The following SLC38A10 variants were observed in gnomAD, a reference collection of about 807,000 sequenced individuals.
SLC38A10 encodes the protein solute carrier family 38 member 10.
SLC38A10 carries 53 observed loss-of-function variants against 81.0 expected under a neutral mutation model. The observed-to-expected ratio is 0.65, with a 90% CI of 0.53 to 0.82. The LOEUF (loss-of-function observed/expected upper bound fraction) is 0.82, where lower values mean the gene tolerates loss of function less well. Ranked by LOEUF, SLC38A10 falls within the 40% of genes least tolerant of loss-of-function variation. The pLI, the probability that SLC38A10 is intolerant of heterozygous loss-of-function variation, is 0.00. For missense variants in SLC38A10, 1,471 were observed against 1,545.0 expected, an observed-to-expected ratio of 0.95 and a Z score of 0.80; for synonymous variants, 665 against 655.3, an observed-to-expected ratio of 1.01 and a Z score of -0.23.
rs1198465315 is a variant in SLC38A10 at position 81,270,095 on chromosome 17, T to G, written c.1131+823A>C. Among the ~76,000 whole-genome samples, 2 of 151,976 alleles carry G rather than the reference T, an allele frequency of 1.3e-5. No homozygotes were observed. Among genetic ancestry groups the G allele is most frequent in the African/African-American group, 4.8e-5 (2 of 41,374 alleles). On this transcript the variant is annotated intron_variant, in intron 10 of 15. Coordinates refer to ENST00000374759, the MANE Select transcript of SLC38A10 (RefSeq NM_001037984.3). The surrounding 1 kb of genome is among the most constrained non-coding windows in gnomAD (Gnocchi z 4.0). ...GGCTTCTAAACCCATGAAAAGACAC[T>G]CAAGTTCCCGCCAGAGAGGCCAAGA...
intron 11 of SLC38A10, among the ~76,000 whole-genome samples, chr17:81,254,782 T>G (rs1047571614): frequency 1.3e-5 from 2 of 152,220 alleles, no homozygotes; most frequent in African/African-American, 4.8e-5. Context: ...GCCACCCGCC[T>G]GAGCAGGTGA....
intron 10 of SLC38A10, among the ~76,000 whole-genome samples, chr17:81,267,835 G>A (rs1322774516): frequency 6.6e-6 from 1 of 152,004 alleles, no homozygotes; most frequent in African/African-American, 2.4e-5. Context: ...CTTAGTCACA[G>A]AGAGGTCAAG....
chr17:81,253,680 TACC>T lies in SLC38A10; in HGVS notation c.1289-443_1289-441del, dbSNP rs377039410. Among the ~76,000 whole-genome samples the T allele has an allele frequency of 2.1e-3, 285 of 138,848 alleles. 1 individual carries two copies. Among genetic ancestry groups the T allele is most frequent in the East Asian group, 0.017 (74 of 4,338 alleles). 91.1% of individuals were successfully genotyped at this position (138,848 alleles called of 152,430 possible). On this transcript the variant is annotated intron_variant, in intron 11 of 15. Transcript: ENST00000374759. The surrounding 1 kb of genome is among the most constrained non-coding windows in gnomAD (Gnocchi z 4.1). ...CCATCATCACCATCATCTCCATCCC[TACC>T]ACCAACATCACCATCATCACCATCA...
rs1324233054 is a variant in SLC38A10 at position 81,270,063 on chromosome 17, CG to C, written c.1131+854del. Among the ~76,000 whole-genome samples, 1 of 152,140 alleles carries C rather than the reference CG, an allele frequency of 6.6e-6. No individual in the cohort carries two copies. The highest frequency in any genetic ancestry group is 2.4e-5 in the African/African-American group (1 of 41,420). ...CACAAGCAGTTCACAGAAAAAGAAACGCAAGTGGCTTCTAAACCCATGAAAA... is the reference window on the plus strand; with the variant it reads ...CACAAGCAGTTCACAGAAAAAGAAACCAAGTGGCTTCTAAACCCATGAAAA... On this transcript the variant is annotated intron_variant, in intron 10 of 15. Transcript: ENST00000374759. The surrounding 1 kb of genome is among the most constrained non-coding windows in gnomAD (Gnocchi z 4.0).
In SLC38A10 at chr17:81,251,262, G is replaced by T. The variant is rs557587675; in HGVS notation, c.2065+231C>A. On this transcript the variant is annotated intron_variant, in intron 14 of 15. Coordinates refer to ENST00000374759, the MANE Select transcript of SLC38A10 (RefSeq NM_001037984.3). ...AAACGGTAATCACAAGCCATGTGAC[G>T]ATGCCGCAGGTGTTTAAAGGGGAGT... 2.0e-6 allele frequency: 3 copies of T among 1,471,734 alleles called. No homozygotes were observed. The South Asian group carries it at 3.4e-5, about 17-fold the overall frequency. The allele number at this position is 1,471,734 out of a possible 1,614,324, so 91.2% of individuals were successfully genotyped here.
At chr17:81,251,185 C>T (rs72860022) in intron 14 of SLC38A10, 41,742 of 1,529,518 alleles carry the variant, frequency 0.027, 1,018 homozygotes, top group African/African-American at 0.11. Context: ...AAATGGTAAT[C>T]ACAAGCCAAG....
At chr17:81,261,385 T>C (rs367573195) in intron 10 of SLC38A10, among the ~76,000 whole-genome samples, 1 of 152,206 alleles carries the variant, frequency 6.6e-6, no homozygotes, top group Non-Finnish European at 1.5e-5. Context: ...TAACTCCCGG[T>C]TGGGCAGAGC....
intron 13 of SLC38A10, 122 bp from the exon 14 acceptor site, chr17:81,251,734 C>CATATAAA (rs2062916824): frequency 5.7e-6 from 6 of 1,052,808 alleles, no homozygotes; most frequent in Non-Finnish European, 7.7e-6. Flanking sequence ...AAGTGACACC[C>CATATAAA]CCGTCAGCAC....
chr17:81,262,333 G>GTTTA (rs2063031597), intron 10 of SLC38A10, among the ~76,000 whole-genome samples: 1 of 152,198 alleles, frequency 6.6e-6, no homozygotes, highest in Admixed American at 6.5e-5. Context: ...GGCTACCTGG[G>GTTTA]GTAAAGGGTC....
At chr17:81,252,720 G>A (rs1327240668) in intron 12 of SLC38A10, 37 bp from the exon 13 acceptor site, 1 of 1,544,246 alleles carries the variant, frequency 6.5e-7, no homozygotes. Context: ...GTCAGGCTGA[G>A]GCCCCTCCTT....
chr17:81,269,347 T>C lies in SLC38A10; in HGVS notation c.1131+1571A>G, dbSNP rs2063095155. On this transcript the variant is annotated intron_variant, in intron 10 of 15. Coordinates refer to ENST00000374759, the MANE Select transcript of SLC38A10 (RefSeq NM_001037984.3). ...GACCAACATGGTAAAACCCTGTCTC[T>C]ACTAAAAGTACAAAAATTAGCTGGG... Among the ~76,000 whole-genome samples the C allele has an allele frequency of 2.0e-5, 3 of 151,924 alleles. No individual in the cohort carries two copies. In the South Asian group the frequency reaches 6.2e-4, roughly 32 times the overall value.
intron 15 of SLC38A10, 81 bp downstream of exon 15, chr17:81,246,804 G>A (rs1056640269): frequency 2.2e-5 from 33 of 1,510,898 alleles, no homozygotes; most frequent in East Asian, 1.4e-4. Context: ...AGAGGCCACC[G>A]AGCCTCAGAC....
In SLC38A10 at chr17:81,252,410, G is replaced by C. The variant is rs773781212; in HGVS notation, c.1730C>G (p.Pro577Arg). The C allele has an allele frequency of 6.2e-7, 1 of 1,613,158 alleles. No homozygotes were observed. The highest frequency in any genetic ancestry group is 1.7e-5 in the Admixed American group (1 of 60,022). The change falls in exon 13 of 16, where the codon CCC becomes CGC. Residue 577 changes from proline to arginine, a missense_variant. Transcript: ENST00000374759. Reference protein sequence around the residue: ...LEEAGDLPEDPQKVPEADGQP... With the variant: ...LEEAGDLPEDRQKVPEADGQP... ...ACCATCTGCTTCTGGAACTTTCTGG[G>C]GATCTTCAGGAAGATCACCCGCCTC...
Position 81,253,321 on chromosome 17 carries a change from T to C in SLC38A10, c.1289-81A>G. 1.3e-6 allele frequency: 2 copies of C among 1,508,188 alleles called. No individual in the cohort carries two copies. The highest frequency in any genetic ancestry group is 1.8e-6 in the Non-Finnish European group (2 of 1,119,780). The allele number at this position is 1,508,188 out of a possible 1,614,324, so 93.4% of individuals were successfully genotyped here. ...CAGCTCTCCCTGGACTGTTACCATA[T>C]TTTCCAGCCAAATGGCAGAGTCAAA... On this transcript the variant is annotated intron_variant, in intron 11 of 15. Coordinates refer to ENST00000374759, the MANE Select transcript of SLC38A10 (RefSeq NM_001037984.3). This position sits in a 1 kb window ranked among gnomAD's most constrained non-coding sequence, Gnocchi z 4.1.
chr17:81,255,824 A>C (rs912117687), intron 11 of SLC38A10, among the ~76,000 whole-genome samples: 1 of 152,244 alleles, frequency 6.6e-6, no homozygotes, highest in Middle Eastern at 3.2e-3. Context: ...CTGTCTCAAC[A>C]AAAATACAAA....
chr17:81,259,172 C>T (rs1353657273), intron 11 of SLC38A10, among the ~76,000 whole-genome samples: 1 of 152,250 alleles, frequency 6.6e-6, no homozygotes, highest in Non-Finnish European at 1.5e-5. Flanking sequence ...CTCCCTTCAA[C>T]GGACCTCTCC....
intron 14 of SLC38A10, among the ~76,000 whole-genome samples, chr17:81,249,167 G>C (rs1276899737): frequency 6.9e-6 from 1 of 145,200 alleles, no homozygotes; most frequent in African/African-American, 2.5e-5. Context: ...CCTGGTGCTG[G>C]GAAGAGGAGG....
chr17:81,291,247 G>A (rs1463363770), intron 1 of SLC38A10, among the ~76,000 whole-genome samples: 1 of 151,958 alleles, frequency 6.6e-6, no homozygotes, highest in African/African-American at 2.4e-5. Context: ...TTGGGAGGCC[G>A]AGGCAGGTGG....
At chr17:81,260,569 T>G (rs1395324997) in intron 10 of SLC38A10, among the ~76,000 whole-genome samples, 175 bp from the exon 11 acceptor site, 1 of 152,094 alleles carries the variant, frequency 6.6e-6, no homozygotes, top group African/African-American at 2.4e-5. Context: ...TGAGGACAGG[T>G]GTCCACTCCC....
Sources: gnomAD v4.1 joint callset for allele counts (sites outside exome capture counted in the v4.1 genomes callset) on GRCh38, gnomAD v4.1.1 for gene constraint, Gnocchi (gnomAD v3.1) non-coding constraint, MANE v1.5 for transcripts, NCBI Gene and HGNC (gene_info 2026-07-23, HGNC 2026-07-21) for gene names.